DMXL1: variants seen among roughly 807,000 people sequenced by gnomAD.
DMXL1 encodes Dmx like 1, also known as dmX-like protein 1.
A neutral mutation model predicts 319.2 loss-of-function variants in DMXL1; 99 were observed. The observed-to-expected ratio is 0.31, with a 90% CI of 0.26 to 0.37. The LOEUF (loss-of-function observed/expected upper bound fraction) is 0.37, where lower values mean the gene tolerates loss of function less well. Ranked by LOEUF, DMXL1 falls within the 10% of genes least tolerant of loss-of-function variation. DMXL1 has a pLI of 1.00. For synonymous variants in DMXL1, 1,385 were observed against 1,235.2 expected (o/e 1.12, Z -2.54); for missense variants, 3,745 against 3,595.6 (o/e 1.04, Z -1.06).
At position 119,116,231 on chromosome 5, in the gene DMXL1, C is replaced by T. The variant is rs772074119; in HGVS notation, c.638C>T (p.Ser213Leu). 5 of 1,613,474 alleles carry T rather than the reference C, an allele frequency of 3.1e-6. No homozygotes were observed. The African/African-American group carries it at 5.4e-5, about 17-fold the overall frequency. ...RTAVTSPDGS[S>L]EKQSQGEIDF... ...GCTGTTACTTCTCCAGATGGAAGTT[C>T]AGAAAAACAATCCCAAGGAGAAATT... Residue 213 changes from serine (S) to leucine (L), a missense_variant, in exon 7 of 44, where the codon TCA becomes TTA. Transcript: ENST00000539542.
intron 5 of DMXL1, among the ~76,000 whole-genome samples, chr5:119,113,687 A>G (rs1760179010): frequency 6.6e-6 from 1 of 152,214 alleles, no homozygotes; most frequent in South Asian, 2.1e-4. Context: ...TGTCTGAGGA[A>G]AGGATGTGGT....
chr5:119,147,009 A>G (rs1489088815), intron 16 of DMXL1, 53 bp downstream of exon 16: 1 of 1,574,662 alleles, frequency 6.4e-7, no homozygotes, highest in Non-Finnish European at 8.7e-7. Flanking sequence ...AAGTTAACAA[A>G]TTACACAAAA....
chr5:119,196,065 G>A (rs915874303), intron 30 of DMXL1, among the ~76,000 whole-genome samples: 5 of 151,482 alleles, frequency 3.3e-5, no homozygotes, highest in South Asian at 2.1e-4. Flanking sequence ...ACTACATACC[G>A]AAACTGACTC....
At chr5:119,117,213 G>A (rs184391266) in intron 7 of DMXL1, among the ~76,000 whole-genome samples, 3 of 151,922 alleles carry the variant, frequency 2.0e-5, no homozygotes, top group South Asian at 2.1e-4. Flanking sequence ...TTTTCTTTTC[G>A]GATTTTTTGT....
chr5:119,225,017 C>A (rs1177018315), intron 38 of DMXL1, among the ~76,000 whole-genome samples: 3 of 151,916 alleles, frequency 2.0e-5, no homozygotes, highest in African/African-American at 7.2e-5. Context: ...GACTACCAAT[C>A]AAAATTTGCG....
intron 30 of DMXL1, 135 bp downstream of exon 30, chr5:119,194,105 AT>A (rs2150393489): frequency 1.7e-6 from 1 of 571,576 alleles, no homozygotes; most frequent in East Asian, 3.3e-5. Flanking sequence ...TTTAGTTGAA[AT>A]TGTTAAATTC....
intron 1 of DMXL1, among the ~76,000 whole-genome samples, chr5:119,082,375 G>A (rs1220751516): frequency 6.6e-6 from 1 of 151,984 alleles, no homozygotes; most frequent in East Asian, 1.9e-4. Flanking sequence ...CTTGGCTCAA[G>A]TAGATCCTCC....
At chr5:119,074,408 C>G (rs759798133) in intron 1 of DMXL1, among the ~76,000 whole-genome samples, 1 of 152,258 alleles carries the variant, frequency 6.6e-6, no homozygotes, top group African/African-American at 2.4e-5. Context: ...TTTGTGTTTT[C>G]TTTTAGGACA....
intron 38 of DMXL1, among the ~76,000 whole-genome samples, chr5:119,229,990 A>G (rs762885895): frequency 2.0e-5 from 3 of 152,192 alleles, no homozygotes; most frequent in Non-Finnish European, 2.9e-5. Flanking sequence ...TATTTTATGT[A>G]ATTTGGAAGT....
intron 19 of DMXL1, among the ~76,000 whole-genome samples, chr5:119,164,116 A>C (rs1772901850): frequency 6.7e-6 from 1 of 150,182 alleles, no homozygotes; most frequent in Non-Finnish European, 1.5e-5. Flanking sequence ...TTTTTTACTA[A>C]TTCCATGGAA....
intron 42 of DMXL1, among the ~76,000 whole-genome samples, chr5:119,243,511 C>T (rs1789194636): frequency 6.6e-6 from 1 of 151,940 alleles, no homozygotes; most frequent in Non-Finnish European, 1.5e-5. Flanking sequence ...GATTTTTTTC[C>T]CTAAAATTTG....
intron 34 of DMXL1, among the ~76,000 whole-genome samples, chr5:119,207,692 T>C (rs1014646718): frequency 6.6e-6 from 1 of 152,036 alleles, no homozygotes; most frequent in Admixed American, 6.6e-5. Flanking sequence ...CTAATTCTTT[T>C]TGTATTTTTA....
At chr5:119,174,195 G>A (rs1412059865) in intron 25 of DMXL1, among the ~76,000 whole-genome samples, 2 of 152,086 alleles carry the variant, frequency 1.3e-5, no homozygotes, top group Non-Finnish European at 2.9e-5. Flanking sequence ...CCAGAATAAT[G>A]TTTGGTCAAA....
At chr5:119,141,699 T>C (rs972218884) in intron 13 of DMXL1, among the ~76,000 whole-genome samples, 2 of 152,124 alleles carry the variant, frequency 1.3e-5, no homozygotes, top group Admixed American at 1.3e-4. Flanking sequence ...CCCAAAAATT[T>C]ACAGATTCAA....
At position 119,247,236 on chromosome 5, in the gene DMXL1, T is replaced by A. The variant is rs1222645901; in HGVS notation, c.*17T>A. The stretch of plus-strand genomic sequence containing the variant: ...ATGCTATAACATTTTTACAATAAGA[T>A]GTACAATTTATTACCTATATGGAAG... On this transcript the variant is annotated 3_prime_UTR_variant, in exon 44 of 44. Coordinates refer to ENST00000539542, the MANE Select transcript of DMXL1 (RefSeq NM_001290321.3). 6.3e-7 allele frequency: 1 copy of A among 1,578,386 alleles called. No homozygotes were observed. The highest frequency in any genetic ancestry group is 8.7e-7 in the Non-Finnish European group (1 of 1,150,318).
chr5:119,139,200 G>A (rs1156466574), intron 13 of DMXL1, among the ~76,000 whole-genome samples: 1 of 152,116 alleles, frequency 6.6e-6, no homozygotes, highest in African/African-American at 2.4e-5. Context: ...ACACAGACCA[G>A]TAACACTATA....
chr5:119,110,408 C>G, intron 5 of DMXL1, 125 bp downstream of exon 5: 2 of 839,960 alleles, frequency 2.4e-6, no homozygotes, highest in Non-Finnish European at 3.5e-6. Flanking sequence ...CTATGATATG[C>G]TTTTTCTTAT....
intron 43 of DMXL1, among the ~76,000 whole-genome samples, chr5:119,246,343 A>G (rs1430167654): frequency 6.6e-6 from 1 of 152,192 alleles, no homozygotes; most frequent in Non-Finnish European, 1.5e-5. Context: ...ATACGGCAAA[A>G]GCTCTGCTGA....
At chr5:119,155,745 T>G (rs1245318629) in intron 19 of DMXL1, among the ~76,000 whole-genome samples, 1 of 149,194 alleles carries the variant, frequency 6.7e-6, no homozygotes, top group Non-Finnish European at 1.5e-5. Flanking sequence ...GAATATCACT[T>G]GAGTCCAGGA....
Sources: allele counts gnomAD v4.1 joint callset (sites outside exome capture counted in the v4.1 genomes callset), GRCh38; gene constraint gnomAD v4.1.1; transcripts MANE v1.5; gene names NCBI Gene and HGNC (gene_info 2026-07-23, HGNC 2026-07-21).